Variants in MMP13 observed in about 807,000 individuals in gnomAD.
The protein encoded by MMP13 is matrix metallopeptidase 13, also known as collagenase 3.
A neutral mutation model predicts 52.1 loss-of-function variants in MMP13; 45 were observed. The observed-to-expected ratio is 0.86, with a 90% CI of 0.68 to 1.11. The LOEUF (loss-of-function observed/expected upper bound fraction) is 1.11, where lower values mean the gene tolerates loss of function less well. MMP13 is among the 50% of genes least tolerant of loss of function. The probability of loss-of-function intolerance (pLI) is 0.00; values close to 1 mark genes in which losing one functional copy is unlikely to be tolerated. For synonymous variants in MMP13, 200 were observed against 204.4 expected, an observed-to-expected ratio of 0.98 and a Z score of 0.18; for missense variants, 576 against 583.8, an observed-to-expected ratio of 0.99 and a Z score of 0.14.
rs1202823262 is a variant in MMP13, at chr11:102,955,062, G to A, written c.362+190C>T. Among the ~76,000 whole-genome samples, 3 of 152,016 alleles carry A rather than the reference G, an allele frequency of 2.0e-5. 1 individual carries two copies. The South Asian group carries it at 6.2e-4, about 32-fold the overall frequency. ...ATTTCATCTCTAAAAGAAATACTTTGAGATGCCCACTAAAAAATAATGCTG... is the reference window on the plus strand; with the variant it reads ...ATTTCATCTCTAAAAGAAATACTTTAAGATGCCCACTAAAAAATAATGCTG... On this transcript the variant is annotated intron_variant, in intron 2 of 9. Coordinates refer to ENST00000260302, the MANE Select transcript of MMP13 (RefSeq NM_002427.4). This position sits in a 1 kb window ranked among gnomAD's most constrained non-coding sequence, Gnocchi z 4.9.
In MMP13 at chr11:102,955,635, C is replaced by G. The variant is rs138415943; in HGVS notation, c.71G>C (p.Ser24Thr). 6.2e-7 allele frequency: 1 copy of G among 1,614,024 alleles called. No homozygotes were observed. The highest frequency in any genetic ancestry group is 1.7e-5 in the Admixed American group (1 of 59,988). The change falls in exon 1 of 10, where the codon AGT becomes ACT. Residue 24 changes from serine (S) to threonine (T), a missense_variant. Ser to Thr is a moderately conservative substitution (Grantham distance 58). Coordinates refer to ENST00000260302, the MANE Select transcript of MMP13 (RefSeq NM_002427.4). The surrounding 1 kb of genome is among the most constrained non-coding windows in gnomAD (Gnocchi z 4.9). Reference sequence around the variant, plus strand: ...AGACAAATCATCTTCATCACCACCACTGGGAAGGGGCAGGGCCCGACAATG... The same window carrying G: ...AGACAAATCATCTTCATCACCACCAGTGGGAAGGGGCAGGGCCCGACAATG... ...WTHCRALPLP[S>T]GGDEDDLSEE... is the part of the protein sequence containing the mutation.
chr11:102,946,594 A>G (rs1425201602), intron 8 of MMP13, among the ~76,000 whole-genome samples: 3 of 152,332 alleles, frequency 2.0e-5, no homozygotes, highest in Admixed American at 2.0e-4. Context: ...GATATTTCGA[A>G]TGAACTTTAA....
rs2134523525 is a variant in MMP13 at position 102,955,585 on chromosome 11, C to T, written c.120+1G>A. On this transcript the variant is annotated splice_donor_variant, in intron 1 of 9. Transcript: ENST00000260302. LOFTEE classifies it high-confidence loss of function. This position sits in a 1 kb window ranked among gnomAD's most constrained non-coding sequence, Gnocchi z 4.9. Reference sequence around the variant, plus strand: ...TCATCAGGATTGGCAAGATACTCTACCTCTGCAAACTGGAGGTCTTCCTCA... The same window carrying T: ...TCATCAGGATTGGCAAGATACTCTATCTCTGCAAACTGGAGGTCTTCCTCA... The T allele has an allele frequency of 6.2e-7, 1 of 1,614,016 alleles. No homozygotes were observed. The highest frequency in any genetic ancestry group is 8.5e-7 in the Non-Finnish European group (1 of 1,179,912).
At chr11:102,951,955 G>T in intron 5 of MMP13, 57 bp downstream of exon 5, 2 of 1,564,096 alleles carry the variant, frequency 1.3e-6, no homozygotes, top group Non-Finnish European at 1.8e-6. Context: ...GAAAATAAAT[G>T]CATGGGTTTC....
intron 3 of MMP13, 26 bp from the exon 4 acceptor site, chr11:102,954,307 G>C (rs749530867): frequency 6.2e-7 from 1 of 1,613,586 alleles, no homozygotes; most frequent in Non-Finnish European, 8.5e-7. Flanking sequence ...AGGGTTAGGA[G>C]TCTTATCACA....
chr11:102,946,154 C>T (rs1172655937), intron 8 of MMP13, among the ~76,000 whole-genome samples: 2 of 152,146 alleles, frequency 1.3e-5, no homozygotes, highest in Non-Finnish European at 1.5e-5. Flanking sequence ...ACAGTAATGG[C>T]TACAAAAATA....
chr11:102,944,390 A>G (rs1555016414), intron 9 of MMP13, 24 bp from the exon 10 acceptor site: 23 of 1,490,194 alleles, frequency 1.5e-5, no homozygotes, highest in Non-Finnish European at 2.0e-5. Flanking sequence ...CATAAAGACA[A>G]TTTCAGAGTT....
chr11:102,945,845 A>C, intron 8 of MMP13, 96 bp from the exon 9 acceptor site: 1 of 693,528 alleles, frequency 1.4e-6, no homozygotes, highest in Non-Finnish European at 2.4e-6. Context: ...CAAAATTGAC[A>C]AGAATTTTAA....
chr11:102,947,848 T>C (rs782362677), intron 8 of MMP13, 43 bp downstream of exon 8: 1 of 1,610,124 alleles, frequency 6.2e-7, no homozygotes, highest in African/African-American at 1.3e-5. Flanking sequence ...TGAGGCACTT[T>C]GCGGCTATGA....
intron 3 of MMP13, 24 bp downstream of exon 3, chr11:102,954,434 T>G: frequency 6.2e-7 from 1 of 1,608,956 alleles, no homozygotes; most frequent in East Asian, 2.2e-5. Flanking sequence ...TAAAAATGTT[T>G]GTAAAATAAA....
intron 8 of MMP13, among the ~76,000 whole-genome samples, chr11:102,946,470 C>T (rs896334846): frequency 1.3e-5 from 2 of 152,170 alleles, no homozygotes; most frequent in Admixed American, 6.5e-5. Context: ...ATAACTGCAA[C>T]GCCAGGCAAT....
rs17860560 is a variant in MMP13 at position 102,949,781 on chromosome 11, C to T, written c.917+329G>A. Among the ~76,000 whole-genome samples, 11,325 of 152,096 alleles carry T rather than the reference C, an allele frequency of 0.074. 553 individuals carry two copies. The highest frequency in any genetic ancestry group is 0.14 in the African/African-American group (5,674 of 41,466). On this transcript the variant is annotated intron_variant, in intron 6 of 9. Transcript: ENST00000260302. This position sits in a 1 kb window ranked among gnomAD's most constrained non-coding sequence, Gnocchi z 4.2. ...CCAAAACGAATCCGTGTGGGCCTAA[C>T]GAGTAACCATTTATTAATACAGCAG...
chr11:102,952,929 C>T lies in MMP13; in HGVS notation c.638-756G>A, dbSNP rs575208277. Among the ~76,000 whole-genome samples the T allele has an allele frequency of 1.3e-5, 2 of 152,260 alleles. No individual in the cohort carries two copies. Among genetic ancestry groups the T allele is most frequent in the East Asian group, 1.9e-4 (1 of 5,188 alleles). Reference sequence around the variant, plus strand: ...GTGCAAGGCAATAGGATTGTTGTTACCTGTGCTTAGATTACCTGAAAACTA... The same window carrying T: ...GTGCAAGGCAATAGGATTGTTGTTATCTGTGCTTAGATTACCTGAAAACTA... On this transcript the variant is annotated intron_variant, in intron 4 of 9. Coordinates refer to ENST00000260302, the MANE Select transcript of MMP13 (RefSeq NM_002427.4). This position sits in a 1 kb window ranked among gnomAD's most constrained non-coding sequence, Gnocchi z 4.3.
At chr11:102,948,896 T>C (rs1449227539) in intron 7 of MMP13, 129 bp downstream of exon 7, 2 of 1,319,826 alleles carry the variant, frequency 1.5e-6, no homozygotes, top group Non-Finnish European at 2.1e-6. Context: ...CTGGCTTCCA[T>C]TTTTTTAATA....
At position 102,955,455 on chromosome 11, in the gene MMP13, C is replaced by T. The variant is rs746644344; in HGVS notation, c.159G>A (p.Ala53=). ...LRSYYHPTNL[A]GILKENAASS... ...TTGCTGCATTCTCCTTCAGGATTCC[C>T]GCGAGATTTGTAGGATGGTAGTATG... The change falls in exon 2 of 10, where the codon GCG becomes GCA. Residue 53 remains alanine, a synonymous_variant. Transcript: ENST00000260302. The surrounding 1 kb of genome is among the most constrained non-coding windows in gnomAD (Gnocchi z 4.9). 10 of 1,613,960 alleles carry T rather than the reference C, an allele frequency of 6.2e-6. No homozygotes were observed. Among genetic ancestry groups the T allele is most frequent in the Admixed American group, 3.3e-5 (2 of 60,010 alleles).
At chr11:102,947,554 C>T (rs1860530938) in intron 8 of MMP13, among the ~76,000 whole-genome samples, 1 of 151,544 alleles carries the variant, frequency 6.6e-6, no homozygotes, top group Admixed American at 6.6e-5. Context: ...GCCTGGATAA[C>T]AGAGCAAGAC....
chr11:102,954,782 C>A (rs1860670170), intron 2 of MMP13, among the ~76,000 whole-genome samples, 176 bp from the exon 3 acceptor site: 1 of 152,064 alleles, frequency 6.6e-6, no homozygotes, highest in African/African-American at 2.4e-5. Context: ...AATAAAAAGT[C>A]AAAAATTCAG....
chr11:102,950,108 A>T lies in MMP13; in HGVS notation c.917+2T>A, dbSNP rs1555017139. ...GACTTTATGAAAGAATCTCAAGAGT[A>T]CCTGTCTTTAAAGATCATTGTTTCT... On this transcript the variant is annotated splice_donor_variant, in intron 6 of 9. Coordinates refer to ENST00000260302, the MANE Select transcript of MMP13 (RefSeq NM_002427.4). LOFTEE classifies it high-confidence loss of function. The T allele has an allele frequency of 1.9e-6, 3 of 1,594,286 alleles. No homozygotes were observed. The highest frequency in any genetic ancestry group is 1.7e-6 in the Non-Finnish European group (2 of 1,162,126).
chr11:102,950,688 G>A (rs1474488163), intron 5 of MMP13, among the ~76,000 whole-genome samples: 2 of 152,096 alleles, frequency 1.3e-5, no homozygotes, highest in Non-Finnish European at 2.9e-5. Context: ...TTGCCATGGT[G>A]CAGCTGTATC....
Sources: gnomAD v4.1 joint callset for allele counts (sites outside exome capture counted in the v4.1 genomes callset) on GRCh38, gnomAD v4.1.1 for gene constraint, Gnocchi (gnomAD v3.1) non-coding constraint, MANE v1.5 for transcripts, NCBI Gene and HGNC (gene_info 2026-07-23, HGNC 2026-07-21) for gene names.